NFKB1: variants seen among roughly 807,000 people sequenced by gnomAD.
NFKB1 encodes the protein nuclear factor NF-kappa-B p105 subunit.
Under a neutral mutation model 105.1 loss-of-function variants are expected in NFKB1, and 9 were observed. The observed-to-expected ratio is 0.09, with a 90% CI of 0.05 to 0.15. The LOEUF is 0.15. Ranked by LOEUF, NFKB1 falls within the 10% of genes least tolerant of loss-of-function variation. NFKB1 has a pLI of 1.00. For missense variants in NFKB1, 830 were observed against 1,203.7 expected, an observed-to-expected ratio of 0.69 and a Z score of 4.59; for synonymous variants, 440 against 442.2, an observed-to-expected ratio of 1.00 and a Z score of 0.06.
chr4:102,518,009 A>G (rs1740316915), intron 1 of NFKB1, among the ~76,000 whole-genome samples: 1 of 152,206 alleles, frequency 6.6e-6, no homozygotes, highest in East Asian at 1.9e-4. Flanking sequence ...GGAGAACAGT[A>G]CAGAGCCTAT....
At chr4:102,581,008 C>T (rs1441074146) in intron 9 of NFKB1, among the ~76,000 whole-genome samples, 2 of 152,118 alleles carry the variant, frequency 1.3e-5, no homozygotes, top group Admixed American at 6.5e-5. Context: ...TAATGTTTTA[C>T]ATAGTATTAA....
At chr4:102,583,981 T>A (rs1247098436) in intron 10 of NFKB1, among the ~76,000 whole-genome samples, 2 of 152,016 alleles carry the variant, frequency 1.3e-5, no homozygotes, top group African/African-American at 4.8e-5. Flanking sequence ...ACAAAGTGTG[T>A]GTAGAAATGA....
intron 6 of NFKB1, among the ~76,000 whole-genome samples, chr4:102,570,186 A>G (rs994687410): frequency 1.3e-5 from 2 of 152,162 alleles, no homozygotes; most frequent in Non-Finnish European, 2.9e-5. Context: ...GGTAAGCACT[A>G]GGAGTAGATA....
At position 102,584,741 on chromosome 4, in the gene NFKB1, T is replaced by C. The variant is rs757080638; in HGVS notation, c.987T>C (p.Ser329=). The C allele has an allele frequency of 4.3e-6, 7 of 1,612,950 alleles. No individual in the cohort carries two copies. Among genetic ancestry groups the C allele is most frequent in the Non-Finnish European group, 5.9e-6 (7 of 1,179,362 alleles). ...YKDINITKPA[S]VFVQLRRKSD... Reference sequence around the variant, plus strand: ...ATATTAATATTACAAAACCAGCCTCTGTGTTTGTCCAGCTTCGGAGGAAAT... The same window carrying C: ...ATATTAATATTACAAAACCAGCCTCCGTGTTTGTCCAGCTTCGGAGGAAAT... Residue 329 remains serine, a synonymous_variant, in exon 11 of 24, where the codon TCT becomes TCC. Coordinates refer to ENST00000226574, the MANE Select transcript of NFKB1 (RefSeq NM_003998.4).
intron 3 of NFKB1, among the ~76,000 whole-genome samples, chr4:102,530,126 C>A (rs1369579616): frequency 6.6e-6 from 1 of 152,160 alleles, no homozygotes. Flanking sequence ...TACTGCATTT[C>A]ATATCTGCTA....
intron 15 of NFKB1, among the ~76,000 whole-genome samples, chr4:102,600,260 A>T (rs919544704): frequency 1.3e-5 from 2 of 152,198 alleles, no homozygotes; most frequent in Non-Finnish European, 2.9e-5. Flanking sequence ...TTCCAGGCAG[A>T]GGGAATATTT....
chr4:102,573,209 G>A (rs1407841912), intron 6 of NFKB1, among the ~76,000 whole-genome samples: 2 of 152,122 alleles, frequency 1.3e-5, no homozygotes, highest in Admixed American at 6.5e-5. Context: ...TCGAGAGGCC[G>A]AGGCAGGAGA....
chr4:102,520,346 C>T (rs1483023531), intron 1 of NFKB1, among the ~76,000 whole-genome samples: 1 of 152,088 alleles, frequency 6.6e-6, no homozygotes, highest in Non-Finnish European at 1.5e-5. Flanking sequence ...CTTATTATGC[C>T]ATCTAATAAA....
chr4:102,537,904 GA>G lies in NFKB1; in HGVS notation c.207del (p.Leu70TyrfsTer57). ...GTATGTGAAGGCCCATCCCATGGTG[GA>G]CTACCTGGTGCCTCTAGTGAAAAGA... is the stretch of plus-strand genomic sequence containing the variant. ...RYVCEGPSHG[G>X]LPGASSEKNK... On this transcript the variant is annotated frameshift_variant, in exon 5 of 24. Transcript: ENST00000226574. LOFTEE classifies it high-confidence loss of function. The G allele has an allele frequency of 6.2e-7, 1 of 1,612,842 alleles. No homozygotes were observed. The highest frequency in any genetic ancestry group is 1.1e-5 in the South Asian group (1 of 91,022).
At chr4:102,524,559 C>T (rs1740777928) in intron 1 of NFKB1, among the ~76,000 whole-genome samples, 1 of 152,106 alleles carries the variant, frequency 6.6e-6, no homozygotes, top group Non-Finnish European at 1.5e-5. Context: ...GATTCAAGCA[C>T]ATTACATATA....
At chr4:102,542,512 C>T (rs1742068186) in intron 5 of NFKB1, among the ~76,000 whole-genome samples, 1 of 152,108 alleles carries the variant, frequency 6.6e-6, no homozygotes, top group Non-Finnish European at 1.5e-5. Flanking sequence ...CTCTCTCTCT[C>T]TCTGTCCTCT....
intron 10 of NFKB1, 34 bp from the exon 11 acceptor site, chr4:102,584,648 C>G: frequency 6.4e-7 from 1 of 1,555,380 alleles, no homozygotes; most frequent in Non-Finnish European, 8.7e-7. Context: ...AAAATGTAGT[C>G]CTACACCAAC....
chr4:102,613,692 A>G (rs1274394159), intron 23 of NFKB1, 111 bp downstream of exon 23: 23 of 1,274,446 alleles, frequency 1.8e-5, no homozygotes, highest in Non-Finnish European at 2.4e-5. Context: ...TTCTGGATAC[A>G]CTTCCCTGTG....
At position 102,578,862 on chromosome 4, in the gene NFKB1, C is replaced by T. The variant is rs758711222; in HGVS notation, c.572-19C>T. 1.2e-5 allele frequency: 20 copies of T among 1,610,374 alleles called. No homozygotes were observed. The highest frequency in any genetic ancestry group is 1.7e-5 in the Non-Finnish European group (20 of 1,177,264). On this transcript the variant is annotated intron_variant, in intron 7 of 23. Coordinates refer to ENST00000226574, the MANE Select transcript of NFKB1 (RefSeq NM_003998.4). Reference sequence around the variant, plus strand: ...TCACACTTCCCTGGGCATGAATGGACTGTGCTGTATGGCCCTAGATCGGGA... The same window carrying T: ...TCACACTTCCCTGGGCATGAATGGATTGTGCTGTATGGCCCTAGATCGGGA...
intron 6 of NFKB1, among the ~76,000 whole-genome samples, chr4:102,572,729 T>A (rs773997855): frequency 6.6e-6 from 1 of 152,256 alleles, no homozygotes; most frequent in African/African-American, 2.4e-5. Context: ...GTTGGTGGCA[T>A]GTGTGTCTTC....
intron 5 of NFKB1, among the ~76,000 whole-genome samples, chr4:102,544,535 T>C (rs1192769905): frequency 1.3e-5 from 2 of 152,180 alleles, no homozygotes; most frequent in African/African-American, 4.8e-5. Flanking sequence ...CAAATATTGA[T>C]TGAGCACTGT....
chr4:102,599,024 G>A (rs1484882873), intron 15 of NFKB1, among the ~76,000 whole-genome samples: 1 of 152,080 alleles, frequency 6.6e-6, no homozygotes, highest in Non-Finnish European at 1.5e-5. Flanking sequence ...GTCATATTTG[G>A]CTAATAGTTT....
chr4:102,528,312 C>G (rs1416807035), intron 2 of NFKB1, among the ~76,000 whole-genome samples: 3 of 152,084 alleles, frequency 2.0e-5, no homozygotes, highest in Admixed American at 6.6e-5. Flanking sequence ...TTTTTCATTC[C>G]TGTATTTCCT....
In NFKB1 at chr4:102,580,829, A is replaced by C. The variant is rs559020911; in HGVS notation, c.835+190A>C. On this transcript the variant is annotated intron_variant, in intron 9 of 23. Coordinates refer to ENST00000226574, the MANE Select transcript of NFKB1 (RefSeq NM_003998.4). ...GTCTGTGTTATTTTTTCCTAAGTCA[A>C]CTAAATCACTTTTAGATTTCCCATG... 3.9e-5 allele frequency among the ~76,000 whole-genome samples: 6 copies of C among 152,342 alleles called. No homozygotes were observed. In the East Asian group the frequency reaches 1.2e-3, roughly 29 times the overall value.
Sources: allele counts gnomAD v4.1 joint callset (sites outside exome capture counted in the v4.1 genomes callset), GRCh38; gene constraint gnomAD v4.1.1; transcripts MANE v1.5; gene names NCBI Gene and HGNC (gene_info 2026-07-23, HGNC 2026-07-21).